Variants in MAD1L1 observed in about 807,000 individuals in gnomAD.
MAD1L1 encodes the protein mitotic spindle assembly checkpoint protein MAD1.
Under a neutral mutation model 96.9 loss-of-function variants are expected in MAD1L1, and 95 were observed. The observed-to-expected ratio is 0.98, with a 90% CI of 0.83 to 1.16. The LOEUF is 1.16. Ranked by LOEUF, MAD1L1 falls within the 50% of genes most tolerant of loss-of-function variation. The probability of loss-of-function intolerance (pLI) is 0.00; values close to 1 mark genes in which losing one functional copy is unlikely to be tolerated. For synonymous variants in MAD1L1, 473 were observed against 396.6 expected (o/e 1.19, Z -2.29); for missense variants, 1,007 against 954.4 (o/e 1.06, Z -0.73).
rs1789078608 is a variant in MAD1L1, at chr7:2,142,348, A to AG, written c.1073+6803dup. On this transcript the variant is annotated intron_variant, in intron 11 of 18. Coordinates refer to ENST00000265854, the MANE Select transcript of MAD1L1 (RefSeq NM_001013836.2). This position sits in a 1 kb window ranked among gnomAD's most constrained non-coding sequence, Gnocchi z 4.7. ...GCCTCAAAAGGCTGTCCCCTGGTGCAGGGCTGGGTTGGGGGCTGAGGCCTC... is the reference window on the plus strand; with the variant it reads ...GCCTCAAAAGGCTGTCCCCTGGTGCAGGGGCTGGGTTGGGGGCTGAGGCCTC... Among the ~76,000 whole-genome samples, 1 of 152,224 alleles carries AG rather than the reference A, an allele frequency of 6.6e-6. No homozygotes were observed. The highest frequency in any genetic ancestry group is 2.4e-5 in the African/African-American group (1 of 41,464).
At chr7:2,207,009 C>A (rs1584547964) in intron 10 of MAD1L1, among the ~76,000 whole-genome samples, 1 of 143,788 alleles carries the variant, frequency 7.0e-6, no homozygotes, top group South Asian at 2.2e-4. Flanking sequence ...ACCCAGGAGG[C>A]AAAGGTTGCA....
chr7:2,178,524 A>C (rs1791045313), intron 10 of MAD1L1, among the ~76,000 whole-genome samples: 1 of 152,256 alleles, frequency 6.6e-6, no homozygotes, highest in South Asian at 2.1e-4. Context: ...GAGGACCTCA[A>C]GAAGAGGGGA....
chr7:2,094,491 C>A (rs1379455351), intron 11 of MAD1L1, among the ~76,000 whole-genome samples: 2 of 152,184 alleles, frequency 1.3e-5, no homozygotes, highest in Admixed American at 6.5e-5. Flanking sequence ...AAAGTGACAG[C>A]AAGACAGGGA....
chr7:1,848,556 C>G (rs1197185878), intron 18 of MAD1L1: 1 of 152,472 alleles, frequency 6.6e-6, no homozygotes, highest in African/African-American at 2.4e-5. Flanking sequence ...AAGACCCTAC[C>G]AGGAGTAGAA....
Position 2,060,196 on chromosome 7 carries a change from A to G in MAD1L1, c.1218+8998T>C, listed in dbSNP as rs549198896. Among the ~76,000 whole-genome samples, 161 of 142,996 alleles carry G rather than the reference A, an allele frequency of 1.1e-3. 1 individual carries two copies. The highest frequency in any genetic ancestry group is 2.2e-3 in the Admixed American group (31 of 14,360). The allele number at this position is 142,996 out of a possible 152,430, so 93.8% of individuals were successfully genotyped here. ...GCCGATGCCGAGATACACCGATGCC[A>G]AGATACGCAGATGCCAAGTTACGCC... On this transcript the variant is annotated intron_variant, in intron 12 of 18. Coordinates refer to ENST00000265854, the MANE Select transcript of MAD1L1 (RefSeq NM_001013836.2).
At chr7:2,173,908 C>T (rs34875122) in intron 10 of MAD1L1, among the ~76,000 whole-genome samples, 28,262 of 152,168 alleles carry the variant, frequency 0.19, 2,759 homozygotes, top group Middle Eastern at 0.29. Context: ...AAGCGATCCT[C>T]CTGCCTCAGC....
chr7:2,026,105 A>G (rs1213241158), intron 12 of MAD1L1, among the ~76,000 whole-genome samples: 1 of 152,224 alleles, frequency 6.6e-6, no homozygotes, highest in Non-Finnish European at 1.5e-5. Context: ...CAATTTAACA[A>G]TGCTCAAAAT....
At chr7:2,134,757 T>C (rs1275454735) in intron 11 of MAD1L1, among the ~76,000 whole-genome samples, 1 of 152,186 alleles carries the variant, frequency 6.6e-6, no homozygotes, top group African/African-American at 2.4e-5. Context: ...TTTGTGGGGT[T>C]CTCAGAGAGC....
intron 10 of MAD1L1, among the ~76,000 whole-genome samples, chr7:2,211,322 G>A (rs190716668): frequency 5.5e-4 from 84 of 152,258 alleles, no homozygotes; most frequent in African/African-American, 1.8e-3. Context: ...AGGCCAGCTC[G>A]CCCTCACACA....
intron 11 of MAD1L1, among the ~76,000 whole-genome samples, chr7:2,124,255 C>T (rs1333876230): frequency 6.6e-6 from 1 of 152,208 alleles, no homozygotes; most frequent in Non-Finnish European, 1.5e-5. Flanking sequence ...GCAAGCCCAC[C>T]CAGACAGGCC....
chr7:1,859,702 C>T (rs1476975923), intron 18 of MAD1L1, among the ~76,000 whole-genome samples: 2 of 152,176 alleles, frequency 1.3e-5, no homozygotes, highest in African/African-American at 2.4e-5. Context: ...AGACCTGACA[C>T]CCTGCAGGGC....
chr7:2,128,796 C>A (rs1788362773), intron 11 of MAD1L1, among the ~76,000 whole-genome samples: 1 of 152,186 alleles, frequency 6.6e-6, no homozygotes, highest in African/African-American at 2.4e-5. Flanking sequence ...CATTCGGCCA[C>A]CCTCAAGCCC....
In MAD1L1 at chr7:1,968,252, G is replaced by T. The variant is rs977825557; in HGVS notation, c.1506-10533C>A. Among the ~76,000 whole-genome samples the T allele has an allele frequency of 6.6e-5, 10 of 151,114 alleles. No individual in the cohort carries two copies. Among genetic ancestry groups the T allele is most frequent in the African/African-American group, 2.4e-4 (10 of 41,086 alleles). ...CCTCAGTCCGGCGGTCAGGTCCACC[G>T]TCAACACCAGCGGTCTTGTCCACAT... On this transcript the variant is annotated intron_variant, in intron 15 of 18. Coordinates refer to ENST00000265854, the MANE Select transcript of MAD1L1 (RefSeq NM_001013836.2). The surrounding 1 kb of genome is among the most constrained non-coding windows in gnomAD (Gnocchi z 5.6).
At chr7:1,861,107 C>T (rs887164893) in intron 18 of MAD1L1, among the ~76,000 whole-genome samples, 2 of 152,234 alleles carry the variant, frequency 1.3e-5, no homozygotes, top group South Asian at 2.1e-4. Flanking sequence ...GCTCACCCTG[C>T]CCCTGACTGG....
intron 15 of MAD1L1, among the ~76,000 whole-genome samples, chr7:1,959,951 G>A (rs1779884183): frequency 6.6e-6 from 1 of 152,138 alleles, no homozygotes; most frequent in South Asian, 2.1e-4. Context: ...TTTTTAAAGT[G>A]ATTAATAGAT....
chr7:1,825,931 G>C (rs911864960), intron 18 of MAD1L1, among the ~76,000 whole-genome samples: 6 of 151,782 alleles, frequency 4.0e-5, no homozygotes, highest in Admixed American at 3.9e-4. Context: ...CCCAGCCCCA[G>C]GCGGGGTTGG....
intron 12 of MAD1L1, among the ~76,000 whole-genome samples, chr7:2,016,845 T>C (rs1232530717): frequency 6.6e-6 from 1 of 152,266 alleles, no homozygotes; most frequent in Admixed American, 6.5e-5. Context: ...ACAGGAAGGT[T>C]TATCGTGTGT....
chr7:2,194,926 A>G (rs912326514), intron 10 of MAD1L1, among the ~76,000 whole-genome samples: 3 of 152,058 alleles, frequency 2.0e-5, no homozygotes, highest in Non-Finnish European at 2.9e-5. Flanking sequence ...AAACAAATAC[A>G]ATAATACAAA....
chr7:2,005,422 G>C (rs80330575), intron 13 of MAD1L1, among the ~76,000 whole-genome samples: 4 of 152,270 alleles, frequency 2.6e-5, no homozygotes, highest in East Asian at 1.9e-4. Context: ...TTGGTGTATT[G>C]TGTTATATTT....
Sources: allele counts gnomAD v4.1 joint callset (sites outside exome capture counted in the v4.1 genomes callset), GRCh38; gene constraint gnomAD v4.1.1; non-coding constraint Gnocchi (gnomAD v3.1); transcripts MANE v1.5; gene names NCBI Gene and HGNC (gene_info 2026-07-23, HGNC 2026-07-21).